Variants in COL4A5 observed in about 807,000 individuals in gnomAD.
COL4A5 encodes the protein collagen alpha-5(IV) chain.
In COL4A5, 26 loss-of-function variants were observed where a neutral mutation model predicts 130.2. The observed-to-expected ratio is 0.20, with a 90% CI of 0.15 to 0.28. The LOEUF is 0.28. Among genes scored for constraint, COL4A5 ranks in the 10% least tolerant of loss-of-function variants. The pLI is 1.00. For missense variants in COL4A5, 1,131 were observed against 1,344.3 expected (o/e 0.84, Z 2.48); for synonymous variants, 496 against 439.6 (o/e 1.13, Z -1.60).
chrX:108,689,258 A>G, intron 49 of COL4A5: 1 of 493,325 alleles, frequency 2.0e-6, no homozygotes, highest in Non-Finnish European at 2.5e-6. Context: ...ATCTTCAGGT[A>G]ATTTTCTCTA....
chrX:108,441,469 C>A (rs2064397795), intron 1 of COL4A5, among the ~76,000 whole-genome samples: 1 of 111,608 alleles, frequency 9.0e-6, no homozygotes. Context: ...AGGTGTGTAC[C>A]CGGTGTATGA....
intron 28 of COL4A5, 55 bp from the exon 29 acceptor site, chrX:108,606,687 A>G (rs2066733089): frequency 1.9e-5 from 23 of 1,182,146 alleles, no homozygotes; most frequent in Non-Finnish European, 2.6e-5. Flanking sequence ...GGCAAACAAT[A>G]AGGACAGAAA....
intron 3 of COL4A5, among the ~76,000 whole-genome samples, chrX:108,560,709 A>G (rs1304666903): frequency 8.9e-6 from 1 of 112,220 alleles, no homozygotes; most frequent in East Asian, 2.8e-4. Context: ...CCTATTATGT[A>G]TGTTACATTG....
chrX:108,492,402 A>G (rs981221671), intron 1 of COL4A5, among the ~76,000 whole-genome samples: 1 of 112,298 alleles, frequency 8.9e-6, no homozygotes, highest in African/African-American at 3.2e-5. Flanking sequence ...AACTACTATA[A>G]TAAGCATCAA....
intron 49 of COL4A5, among the ~76,000 whole-genome samples, chrX:108,689,165 C>G (rs1043230031): frequency 9.0e-6 from 1 of 110,680 alleles, no homozygotes; most frequent in Admixed American, 9.7e-5. Context: ...TATAATTGAC[C>G]AATCTTCATT....
intron 1 of COL4A5, chrX:108,440,430 C>A (rs1368212303): frequency 2.5e-6 from 1 of 405,182 alleles, no homozygotes; most frequent in Admixed American, 4.2e-5. Flanking sequence ...TGCTTGCTTC[C>A]CTGCAGCTAG....
At chrX:108,532,727 G>C (rs1401900304) in intron 1 of COL4A5, among the ~76,000 whole-genome samples, 1 of 111,494 alleles carries the variant, frequency 9.0e-6, no homozygotes, top group Non-Finnish European at 1.9e-5. Context: ...ACAAGAATCA[G>C]TAGCCTTTCT....
At chrX:108,542,541 T>C (rs2065561785) in intron 2 of COL4A5, among the ~76,000 whole-genome samples, 2 of 111,148 alleles carry the variant, frequency 1.8e-5, no homozygotes, top group South Asian at 7.5e-4. Context: ...AAGTCTTTGC[T>C]ATTGTGAATA....
intron 36 of COL4A5, among the ~76,000 whole-genome samples, 200 bp from the exon 37 acceptor site, chrX:108,655,131 A>G (rs1317693703): frequency 8.9e-6 from 1 of 111,985 alleles, no homozygotes; most frequent in Non-Finnish European, 1.9e-5. Context: ...TTGGCTTCTC[A>G]AGATTCAGTT....
intron 1 of COL4A5, among the ~76,000 whole-genome samples, chrX:108,481,761 A>G (rs1216059286): frequency 1.8e-5 from 2 of 111,738 alleles, no homozygotes; most frequent in Non-Finnish European, 3.8e-5. Context: ...AGTTCCCACC[A>G]TTAGATCTGA....
At position 108,597,152 on chromosome X, in the gene COL4A5, AC is replaced by A. The variant is rs2066532511; in HGVS notation, c.1587+85del. On this transcript the variant is annotated intron_variant, in intron 23 of 52. Coordinates refer to ENST00000328300, the MANE Select transcript of COL4A5 (RefSeq NM_033380.3). ...GATTTTCAATTATTCATATATATACACACATATACAATTTAATTTTTCCATT... is the reference window on the plus strand; with the variant it reads ...GATTTTCAATTATTCATATATATACAACATATACAATTTAATTTTTCCATT... 3.5e-6 allele frequency: 3 copies of A among 846,915 alleles called. No individual in the cohort carries two copies. The African/African-American group carries it at 6.1e-5, about 17-fold the overall frequency. The allele number at this position is 846,915 out of a possible 1,213,427, so 69.8% of individuals were successfully genotyped here.
At chrX:108,584,593 C>A (rs2066305004) in intron 18 of COL4A5, 68 bp downstream of exon 18, 1 of 887,811 alleles carries the variant, frequency 1.1e-6, no homozygotes, top group Non-Finnish European at 1.6e-6. Context: ...GTGCCTTAAT[C>A]GCATACTCCC....
intron 38 of COL4A5, among the ~76,000 whole-genome samples, chrX:108,665,846 C>A (rs974087289): frequency 9.0e-6 from 1 of 111,714 alleles, no homozygotes; most frequent in Non-Finnish European, 1.9e-5. Flanking sequence ...AGGTCAGGAG[C>A]TCGAGACTAG....
At chrX:108,696,047 A>C in intron 52 of COL4A5, 1 of 347,577 alleles carries the variant, frequency 2.9e-6, no homozygotes, top group Non-Finnish European at 5.1e-6. Context: ...AAAAAGATAG[A>C]AAATGAGAGG....
At chrX:108,545,776 A>G (rs1235339675) in intron 2 of COL4A5, among the ~76,000 whole-genome samples, 2 of 111,225 alleles carry the variant, frequency 1.8e-5, no homozygotes, top group Admixed American at 9.5e-5. Context: ...GACTTGCTTT[A>G]TGAATCTGGG....
chrX:108,523,583 C>T (rs895007583), intron 1 of COL4A5, among the ~76,000 whole-genome samples: 7 of 111,637 alleles, frequency 6.3e-5, no homozygotes, highest in Non-Finnish European at 7.5e-5. Flanking sequence ...CTTGCAATTC[C>T]CTATGAATTT....
rs112335770 is a variant in COL4A5, at chrX:108,689,369, G to A, written c.4528+1675G>A. 3.2e-4 allele frequency: 243 copies of A among 748,322 alleles called. 1 individual carries two copies. In the African/African-American group the frequency reaches 4.5e-3, roughly 14 times the overall value. 61.7% of individuals were successfully genotyped at this position (748,322 alleles called of 1,213,427 possible). A position where few individuals can be genotyped will look rare whatever the true frequency, so the allele number is the denominator to read the frequency against. ...ATCCCTAACCTACCAGGTCAACAGA[G>A]GAACCATTATAAGTTTTGAGCACTA... is the stretch of plus-strand genomic sequence containing the variant. On this transcript the variant is annotated intron_variant, in intron 49 of 52. Transcript: ENST00000328300.
At chrX:108,638,318 A>T (rs950555949) in intron 36 of COL4A5, among the ~76,000 whole-genome samples, 1 of 111,452 alleles carries the variant, frequency 9.0e-6, no homozygotes, top group Non-Finnish European at 1.9e-5. Flanking sequence ...ATGAAGGAGA[A>T]ATCCCACATG....
At chrX:108,473,612 TGTATATATATATATATATATA>T (rs1172817367) in intron 1 of COL4A5, among the ~76,000 whole-genome samples, 2 of 45,222 alleles carry the variant, frequency 4.4e-5, no homozygotes, top group East Asian at 8.2e-4. Flanking sequence ...TATATATATA[TGTATATATATATATATATATA>T]TTTTTTTTTT....
Sources: gnomAD v4.1 joint callset for allele counts (sites outside exome capture counted in the v4.1 genomes callset) on GRCh38, gnomAD v4.1.1 for gene constraint, MANE v1.5 for transcripts, NCBI Gene and HGNC (gene_info 2026-07-23, HGNC 2026-07-21) for gene names.